AP2A1: variants seen among roughly 807,000 people sequenced by gnomAD.
AP2A1 encodes the protein adaptor related protein complex 2 subunit alpha 1.
AP2A1 carries 21 observed loss-of-function variants against 107.3 expected under a neutral mutation model. That is an observed-to-expected ratio of 0.20 (90% CI 0.14 to 0.28). The LOEUF is 0.28. AP2A1 is among the 10% of genes least tolerant of loss of function. AP2A1 has a pLI of 1.00. For synonymous variants in AP2A1, 602 were observed against 564.8 expected, an observed-to-expected ratio of 1.07 and a Z score of -0.93; for missense variants, 873 against 1,307.7, an observed-to-expected ratio of 0.67 and a Z score of 5.13.
chr19:49,792,410 C>T (rs2073157619), intron 5 of AP2A1, among the ~76,000 whole-genome samples: 1 of 151,916 alleles, frequency 6.6e-6, no homozygotes, highest in Non-Finnish European at 1.5e-5. Context: ...GCTCCCACCT[C>T]AGCCCTGATC....
At position 49,782,067 on chromosome 19, in the gene AP2A1, A is replaced by G. The variant is rs1035580819; in HGVS notation, c.257A>G (p.Asn86Ser). ...HMEAVNLLSS[N>S]KYTEKQIGYL... is the part of the protein sequence containing the mutation. ...GAGGCTGTGAATCTGTTGAGTTCCA[A>G]TAAATACACAGAGAAGCAAATAGTG... Residue 86 changes from asparagine to serine, a missense_variant, in exon 3 of 23, where the codon AAT becomes AGT. Asn to Ser is a conservative substitution (Grantham distance 46). This residue lies in a region of AP2A1 where 87 missense variants were observed against 178.2 expected (regional missense o/e 0.49). Coordinates refer to ENST00000354293, the MANE Select transcript of AP2A1 (RefSeq NM_130787.3). 1.9e-6 allele frequency: 3 copies of G among 1,566,438 alleles called. No individual in the cohort carries two copies. The highest frequency in any genetic ancestry group is 3.8e-5 in the Admixed American group (2 of 52,274).
chr19:49,787,793 T>G (rs1600227523), intron 4 of AP2A1, among the ~76,000 whole-genome samples: 1 of 151,956 alleles, frequency 6.6e-6, no homozygotes, highest in Non-Finnish European at 1.5e-5. Context: ...CATTCCCTCT[T>G]CCCCCCAGCC....
In AP2A1 at chr19:49,788,488, C is replaced by T. The variant is rs576203482; in HGVS notation, c.474-3447C>T. On this transcript the variant is annotated intron_variant, in intron 4 of 22. Transcript: ENST00000354293. This position sits in a 1 kb window ranked among gnomAD's most constrained non-coding sequence, Gnocchi z 4.5. ...CAGAGTTTGGCCCAGAGTCAGGACT[C>T]GGGAGATGCGCTGTGGCTCAGGAGA... Among the ~76,000 whole-genome samples the T allele has an allele frequency of 1.6e-4, 25 of 151,898 alleles. No individual in the cohort carries two copies. Among genetic ancestry groups the T allele is most frequent in the African/African-American group, 5.3e-4 (22 of 41,400 alleles).
At chr19:49,771,812 C>T (rs181462440) in intron 1 of AP2A1, among the ~76,000 whole-genome samples, 8 of 152,128 alleles carry the variant, frequency 5.3e-5, no homozygotes, top group African/African-American at 1.7e-4. Flanking sequence ...GTGTGGTCAG[C>T]GAGCTGCGGC....
chr19:49,796,650 C>G (rs973743180), intron 7 of AP2A1: 8 of 152,166 alleles, frequency 5.3e-5, no homozygotes, highest in Admixed American at 5.2e-4. Context: ...TGCATGTCTG[C>G]GTGCATCCCC....
chr19:49,802,870 G>T, intron 15 of AP2A1, 79 bp from the exon 16 acceptor site: 1 of 1,491,634 alleles, frequency 6.7e-7, no homozygotes, highest in Non-Finnish European at 9.2e-7. Flanking sequence ...CTTAGGGCTT[G>T]TTCTCGCACT....
At chr19:49,797,844 G>T (rs2073230723) in intron 7 of AP2A1, among the ~76,000 whole-genome samples, 1 of 150,254 alleles carries the variant, frequency 6.7e-6, no homozygotes, top group African/African-American at 2.4e-5. Context: ...ACTTTGGGAG[G>T]CTGAGGCAGA....
At chr19:49,791,050 C>T (rs1334154702) in intron 4 of AP2A1, among the ~76,000 whole-genome samples, 1 of 152,256 alleles carries the variant, frequency 6.6e-6, no homozygotes, top group Non-Finnish European at 1.5e-5. Flanking sequence ...GTCCTATCTG[C>T]AGCCCTCCTG....
chr19:49,783,305 A>G (rs1825409702), intron 4 of AP2A1, among the ~76,000 whole-genome samples: 1 of 152,178 alleles, frequency 6.6e-6, no homozygotes, highest in Non-Finnish European at 1.5e-5. Flanking sequence ...CCTGGGCAAC[A>G]TGGCAAAATC....
rs368665943 is a variant in AP2A1 at position 49,783,237 on chromosome 19, G to T, written c.473+513G>T. ...GCCAGGTGCGATGGCTCATGTAATC[G>T]CTGCATTTGGGGAGGCTGAGGCAGG... On this transcript the variant is annotated intron_variant, in intron 4 of 22. Transcript: ENST00000354293. 4.6e-5 allele frequency among the ~76,000 whole-genome samples: 7 copies of T among 152,264 alleles called. 1 individual carries two copies. In the East Asian group the frequency reaches 1.3e-3, roughly 29 times the overall value.
intron 1 of AP2A1, among the ~76,000 whole-genome samples, chr19:49,767,460 C>T (rs1030397644): frequency 5.3e-5 from 8 of 151,716 alleles, no homozygotes; most frequent in Non-Finnish European, 8.8e-5. Flanking sequence ...AGTGAGGTCC[C>T]GGGGATGGGA....
chr19:49,789,221 T>C (rs1392706394), intron 4 of AP2A1, among the ~76,000 whole-genome samples: 2 of 152,190 alleles, frequency 1.3e-5, no homozygotes, highest in Non-Finnish European at 2.9e-5. Context: ...TGATAGGCCA[T>C]GGCTGGGCCA....
chr19:49,767,315 G>T, intron 1 of AP2A1, 115 bp downstream of exon 1: 2 of 1,304,710 alleles, frequency 1.5e-6, no homozygotes, highest in Non-Finnish European at 2.1e-6. Context: ...GCCGTATAGG[G>T]ACAGCATAGA....
intron 4 of AP2A1, among the ~76,000 whole-genome samples, chr19:49,789,416 G>A (rs544557618): frequency 1.3e-5 from 2 of 151,962 alleles, no homozygotes; most frequent in Non-Finnish European, 1.5e-5. Flanking sequence ...CCAGCCTCCC[G>A]AGTAGCTAGG....
At chr19:49,792,585 C>T (rs1001007136) in intron 5 of AP2A1, among the ~76,000 whole-genome samples, 11 of 152,048 alleles carry the variant, frequency 7.2e-5, no homozygotes, top group Non-Finnish European at 7.4e-5. Flanking sequence ...CAGTGACCCC[C>T]ACACCCCTCA....
intron 15 of AP2A1, chr19:49,802,388 C>T (rs1182553336): frequency 1.1e-6 from 1 of 952,154 alleles, no homozygotes; most frequent in Non-Finnish European, 1.6e-6. Context: ...GTCACCGTTT[C>T]TCAGCCTGCT....
At chr19:49,786,337 C>T (rs143103997) in intron 4 of AP2A1, among the ~76,000 whole-genome samples, 5 of 152,358 alleles carry the variant, frequency 3.3e-5, no homozygotes, top group South Asian at 2.1e-4. Context: ...ACTGAATCAG[C>T]GTAAAAATTA....
chr19:49,800,532 G>A lies in AP2A1; in HGVS notation c.1455+382G>A, dbSNP rs148496769. The stretch of plus-strand genomic sequence containing the variant: ...GAGTGGGGAGTGAGTGCCGTGGTGC[G>A]ATCTCGGCTCACTGCAACCTCGGCC... On this transcript the variant is annotated intron_variant, in intron 11 of 22. Transcript: ENST00000354293. Among the ~76,000 whole-genome samples the A allele has an allele frequency of 9.9e-3, 1,514 of 152,190 alleles. 18 individuals carry two copies. The highest frequency in any genetic ancestry group is 0.035 in the African/African-American group (1,437 of 41,500).
intron 1 of AP2A1, 76 bp from the exon 2 acceptor site, chr19:49,781,681 G>GC: frequency 7.0e-7 from 1 of 1,438,734 alleles, no homozygotes; most frequent in African/African-American, 1.4e-5. Context: ...GCTGGGTGGG[G>GC]CCGCGCCTAG....
Sources: allele counts gnomAD v4.1 joint callset (sites outside exome capture counted in the v4.1 genomes callset), GRCh38; gene constraint gnomAD v4.1.1; regional missense constraint gnomAD v4.1.1; non-coding constraint Gnocchi (gnomAD v3.1); transcripts MANE v1.5; gene names NCBI Gene and HGNC (gene_info 2026-07-23, HGNC 2026-07-21).